Variants in ARB2A observed in about 807,000 individuals in gnomAD.
ARB2A encodes the protein ARB2 cotranscriptional regulator A, also known as cotranscriptional regulator ARB2A.
At chr5:94,095,070 A>C in the ARB2A span, among the ~76,000 whole-genome samples, 16 of 152,318 alleles carry the variant, frequency 1.1e-4, no homozygotes, top group Admixed American at 7.8e-4. Context: ...CAGAGTGTTC[A>C]GAGTTTTTCT....
the ARB2A span, among the ~76,000 whole-genome samples, chr5:94,018,404 C>T: frequency 6.6e-6 from 1 of 152,200 alleles, no homozygotes; most frequent in Non-Finnish European, 1.5e-5. Flanking sequence ...TATCTGAATT[C>T]ACTAGCTTAC....
chr5:93,883,653 G>A, the ARB2A span, among the ~76,000 whole-genome samples: 6,269 of 151,216 alleles, frequency 0.041, 391 homozygotes, highest in African/African-American at 0.14. Flanking sequence ...AACTTTTCAC[G>A]CCCTTCTCAA....
chr5:93,753,019 A>G, the ARB2A span, among the ~76,000 whole-genome samples: 1,634 of 152,310 alleles, frequency 0.011, 14 homozygotes, highest in Non-Finnish European at 0.016. Flanking sequence ...ATATCTTCTG[A>G]CTGCAAAGAG....
chr5:93,650,415 A>T, the ARB2A span, among the ~76,000 whole-genome samples: 3 of 152,182 alleles, frequency 2.0e-5, no homozygotes, highest in African/African-American at 7.2e-5. Flanking sequence ...AAAAGACTGA[A>T]GAAAACCTCA....
chr5:93,994,905 C>CTAAA, the ARB2A span, among the ~76,000 whole-genome samples: 1,097 of 149,606 alleles, frequency 7.3e-3, 21 homozygotes, highest in African/African-American at 5.3e-3. Flanking sequence ...GACCCTGTCT[C>CTAAA]TAAATAAATA....
the ARB2A span, among the ~76,000 whole-genome samples, chr5:93,848,488 A>C: frequency 6.6e-6 from 1 of 152,236 alleles, no homozygotes; most frequent in Non-Finnish European, 1.5e-5. Flanking sequence ...TTTTAAGATT[A>C]AAATATTATT....
At chr5:93,630,224 TCCTC>T in the ARB2A span, among the ~76,000 whole-genome samples, 9 of 152,108 alleles carry the variant, frequency 5.9e-5, no homozygotes, top group East Asian at 3.9e-4. Flanking sequence ...CTATTGGAAA[TCCTC>T]CCAGTTAGAA....
the ARB2A span, among the ~76,000 whole-genome samples, chr5:93,982,636 A>C: frequency 6.6e-6 from 1 of 152,192 alleles, no homozygotes; most frequent in Non-Finnish European, 1.5e-5. Context: ...CAGATAGCAC[A>C]ACCTACTACA....
At chr5:93,726,748 T>C in the ARB2A span, among the ~76,000 whole-genome samples, 13 of 152,182 alleles carry the variant, frequency 8.5e-5, no homozygotes, top group East Asian at 2.5e-3. Context: ...GTAACTGAAA[T>C]GAGTAGATTA....
the ARB2A span, among the ~76,000 whole-genome samples, chr5:94,060,110 A>C: frequency 1.3e-5 from 2 of 152,240 alleles, no homozygotes; most frequent in African/African-American, 4.8e-5. Flanking sequence ...CTGTAATCCC[A>C]GCACTTTGGA....
chr5:94,026,484 T>G, the ARB2A span, among the ~76,000 whole-genome samples: 14 of 152,218 alleles, frequency 9.2e-5, no homozygotes, highest in South Asian at 2.7e-3. Context: ...TTTCTCCCAG[T>G]GTGGCTGAGT....
At chr5:93,702,589 T>C in the ARB2A span, among the ~76,000 whole-genome samples, 4 of 152,080 alleles carry the variant, frequency 2.6e-5, no homozygotes. Context: ...GTATCTGACA[T>C]ACAGGGGGCT....
At chr5:93,985,259 T>C in the ARB2A span, among the ~76,000 whole-genome samples, 1 of 152,208 alleles carries the variant, frequency 6.6e-6, no homozygotes, top group Non-Finnish European at 1.5e-5. Flanking sequence ...TCTTTTTTAC[T>C]AGTCATAGCA....
the ARB2A span, among the ~76,000 whole-genome samples, chr5:93,774,657 T>C: frequency 2.0e-5 from 3 of 152,174 alleles, no homozygotes; most frequent in Non-Finnish European, 4.4e-5. Flanking sequence ...AGCCCCCAAA[T>C]GTAGTGCTGA....
the ARB2A span, among the ~76,000 whole-genome samples, chr5:93,702,558 A>G: frequency 6.6e-6 from 1 of 152,196 alleles, no homozygotes; most frequent in Non-Finnish European, 1.5e-5. Context: ...TTTCATAGCC[A>G]AATCCCTAGT....
the ARB2A span, among the ~76,000 whole-genome samples, chr5:93,907,581 T>C: frequency 2.6e-5 from 4 of 151,460 alleles, no homozygotes; most frequent in East Asian, 3.9e-4. Context: ...GTCAAAATCA[T>C]AAAAATGAAT....
chr5:94,066,473 C>A, the ARB2A span, among the ~76,000 whole-genome samples: 2 of 145,146 alleles, frequency 1.4e-5, no homozygotes, highest in South Asian at 2.2e-4. Context: ...CACATAAAAA[C>A]CCAGGAGACC....
the ARB2A span, among the ~76,000 whole-genome samples, chr5:93,754,108 T>C: frequency 1.3e-5 from 2 of 152,198 alleles, no homozygotes; most frequent in Non-Finnish European, 2.9e-5. Flanking sequence ...GGAATAATAA[T>C]AATTTGCCAG....
chr5:93,883,180 T>C, the ARB2A span, among the ~76,000 whole-genome samples: 1 of 151,516 alleles, frequency 6.6e-6, no homozygotes, highest in Non-Finnish European at 1.5e-5. Flanking sequence ...TTTGGAAATT[T>C]TCAAGATCAC....
Sources: allele counts gnomAD v4.1 joint callset (sites outside exome capture counted in the v4.1 genomes callset), GRCh38; gene constraint gnomAD v4.1.1; transcripts MANE v1.5; gene names NCBI Gene and HGNC (gene_info 2026-07-23, HGNC 2026-07-21).